ARHGAP24: variants seen among roughly 807,000 people sequenced by gnomAD.
The protein encoded by ARHGAP24 is rho GTPase-activating protein 24.
Under a neutral mutation model 76.4 loss-of-function variants are expected in ARHGAP24, and 50 were observed. The observed-to-expected ratio is 0.65, with a 90% confidence interval of 0.52 to 0.83. ARHGAP24 has a LOEUF of 0.83. ARHGAP24 is among the 40% of genes least tolerant of loss of function. The pLI, the probability that ARHGAP24 is intolerant of heterozygous loss-of-function variation, is 0.00. For missense variants in ARHGAP24, 930 were observed against 914.2 expected (o/e 1.02, Z -0.22); for synonymous variants, 345 against 323.3 (o/e 1.07, Z -0.72).
At chr4:85,567,132 T>C (rs1297865395) in intron 1 of ARHGAP24, among the ~76,000 whole-genome samples, 1 of 152,160 alleles carries the variant, frequency 6.6e-6, no homozygotes, top group Non-Finnish European at 1.5e-5. Context: ...TTGAAATAAG[T>C]ACAGTGGGAA....
intron 3 of ARHGAP24, among the ~76,000 whole-genome samples, chr4:85,849,492 G>A (rs1731094208): frequency 6.6e-6 from 1 of 152,200 alleles, no homozygotes; most frequent in African/African-American, 2.4e-5. Flanking sequence ...ATTTTGAATA[G>A]GAGTGGTGAG....
chr4:85,819,929 A>G (rs1729396810), intron 3 of ARHGAP24, among the ~76,000 whole-genome samples: 1 of 152,206 alleles, frequency 6.6e-6, no homozygotes, highest in Non-Finnish European at 1.5e-5. Context: ...CCAGAAGCCA[A>G]GTAGATGCCA....
At chr4:85,950,229 A>G (rs1036468689) in intron 5 of ARHGAP24, among the ~76,000 whole-genome samples, 8 of 152,150 alleles carry the variant, frequency 5.3e-5, no homozygotes, top group African/African-American at 1.9e-4. Flanking sequence ...ACAGTGGCTT[A>G]TGCCTGTAAT....
intron 1 of ARHGAP24, among the ~76,000 whole-genome samples, chr4:85,549,189 GT>G (rs1430291622): frequency 1.5e-5 from 2 of 134,656 alleles, no homozygotes; most frequent in Non-Finnish European, 3.3e-5. Context: ...GAATCACTAA[GT>G]CATAGATACA....
chr4:85,541,061 C>A (rs1344446034), intron 1 of ARHGAP24, among the ~76,000 whole-genome samples: 1 of 134,216 alleles, frequency 7.5e-6, no homozygotes, highest in Admixed American at 7.2e-5. Flanking sequence ...AGGTGTGATA[C>A]TTTCACTGAT....
At chr4:85,925,591 A>G (rs1034656817) in intron 4 of ARHGAP24, among the ~76,000 whole-genome samples, 2 of 152,254 alleles carry the variant, frequency 1.3e-5, no homozygotes, top group Non-Finnish European at 2.9e-5. Context: ...ATTACAGTAT[A>G]TATATTGCTA....
chr4:85,852,560 C>T (rs1256737321), intron 3 of ARHGAP24, among the ~76,000 whole-genome samples: 1 of 152,198 alleles, frequency 6.6e-6, no homozygotes, highest in Non-Finnish European at 1.5e-5. Flanking sequence ...AGCTTTTCTG[C>T]TCTGGTTTCT....
At position 85,570,503 on chromosome 4, in the gene ARHGAP24, C is replaced by A; in HGVS notation, c.-20-19C>A. The A allele has an allele frequency of 1.3e-6, 2 of 1,592,576 alleles. No homozygotes were observed. Among genetic ancestry groups the A allele is most frequent in the Non-Finnish European group, 1.7e-6 (2 of 1,169,818 alleles). ...ACAGAGCACCTCATTATTTTCCTTT[C>A]TTTTTGTTTGCTAACTAGGAAAGTC... On this transcript the variant is annotated intron_variant, in intron 1 of 9. Coordinates refer to ENST00000395184, the MANE Select transcript of ARHGAP24 (RefSeq NM_001025616.3).
chr4:85,668,301 G>T (rs1271825918), intron 2 of ARHGAP24, among the ~76,000 whole-genome samples: 2 of 152,282 alleles, frequency 1.3e-5, no homozygotes. Context: ...AACAGAAAAT[G>T]CTAAACAGCT....
intron 2 of ARHGAP24, among the ~76,000 whole-genome samples, chr4:85,604,700 C>T (rs1446351674): frequency 3.3e-5 from 5 of 152,234 alleles, no homozygotes; most frequent in African/African-American, 7.2e-5. Context: ...TATTCTCCTG[C>T]CTCAGCCTAC....
At chr4:85,516,560 A>G (rs1442876638) in intron 1 of ARHGAP24, among the ~76,000 whole-genome samples, 1 of 151,502 alleles carries the variant, frequency 6.6e-6, no homozygotes, top group Non-Finnish European at 1.5e-5. Context: ...ATATTTTCTT[A>G]TGTTTAAGGG....
intron 1 of ARHGAP24, among the ~76,000 whole-genome samples, chr4:85,496,239 G>A (rs1723577162): frequency 6.6e-6 from 1 of 152,226 alleles, no homozygotes; most frequent in South Asian, 2.1e-4. Context: ...TAATAAGAGA[G>A]TCATCAATAT....
chr4:85,664,542 T>A lies in ARHGAP24; in HGVS notation c.181-57343T>A, dbSNP rs531445620. Among the ~76,000 whole-genome samples, 629 of 150,830 alleles carry A rather than the reference T, an allele frequency of 4.2e-3. 15 individuals are homozygous for A. Among genetic ancestry groups the A allele is most frequent in the African/African-American group, 0.015 (585 of 40,304 alleles). ...TTCTGCTCTGATTTTAGTTATTTCT[T>A]GCCTTCTGCTAGCTTTTGAATGTGT... On this transcript the variant is annotated intron_variant, in intron 2 of 9. Transcript: ENST00000395184.
At chr4:85,793,514 G>T (rs907413657) in intron 3 of ARHGAP24, among the ~76,000 whole-genome samples, 3 of 152,058 alleles carry the variant, frequency 2.0e-5, no homozygotes, top group Non-Finnish European at 4.4e-5. Flanking sequence ...TCAAAGAATA[G>T]GATAATCCTG....
intron 1 of ARHGAP24, among the ~76,000 whole-genome samples, chr4:85,561,600 C>A (rs1405010964): frequency 6.6e-6 from 1 of 152,144 alleles, no homozygotes; most frequent in African/African-American, 2.4e-5. Context: ...TTGGTAAATG[C>A]ACATGTTTGC....
At chr4:85,927,063 GAA>G (rs1001480304) in intron 4 of ARHGAP24, among the ~76,000 whole-genome samples, 1 of 151,018 alleles carries the variant, frequency 6.6e-6, no homozygotes, top group East Asian at 1.9e-4. Context: ...CGAGCAATTA[GAA>G]AAAAAAATCT....
At chr4:85,950,683 C>T (rs201802400) in intron 5 of ARHGAP24, among the ~76,000 whole-genome samples, 9 of 141,916 alleles carry the variant, frequency 6.3e-5, no homozygotes, top group South Asian at 2.3e-4. Flanking sequence ...TTTCTTTTTT[C>T]TTTTTTTTTT....
intron 2 of ARHGAP24, among the ~76,000 whole-genome samples, chr4:85,606,898 T>G (rs1013469424): frequency 6.6e-6 from 1 of 152,172 alleles, no homozygotes; most frequent in Non-Finnish European, 1.5e-5. Context: ...TGCTGCTTTA[T>G]GAAGAATTGC....
rs141805078 is a variant in ARHGAP24, at chr4:85,861,253, T to A, written c.269-62395T>A. On this transcript the variant is annotated intron_variant, in intron 3 of 9. Transcript: ENST00000395184. The stretch of plus-strand genomic sequence containing the variant: ...TTTCCTATCACTGGTTTAGTTTGTG[T>A]ACTTTTACAATATTTACATTCTGGT... 5.6e-3 allele frequency among the ~76,000 whole-genome samples: 856 copies of A among 152,246 alleles called. 11 individuals are homozygous for A. The highest frequency in any genetic ancestry group is 0.02 in the African/African-American group (814 of 41,564).
Sources: allele counts gnomAD v4.1 joint callset (sites outside exome capture counted in the v4.1 genomes callset), GRCh38; gene constraint gnomAD v4.1.1; transcripts MANE v1.5; gene names NCBI Gene and HGNC (gene_info 2026-07-23, HGNC 2026-07-21).